The following ARB2A variants were observed in gnomAD, a reference collection of about 807,000 sequenced individuals.
The protein encoded by ARB2A is ARB2 cotranscriptional regulator A.
At chr5:94,004,767 A>G in the ARB2A span, among the ~76,000 whole-genome samples, 4 of 151,850 alleles carry the variant, frequency 2.6e-5, no homozygotes, top group Non-Finnish European at 4.4e-5. Context: ...CTCTAGTAAC[A>G]TTTTCATCAG....
chr5:93,996,558 T>C, the ARB2A span, among the ~76,000 whole-genome samples: 1 of 151,990 alleles, frequency 6.6e-6, no homozygotes, highest in Non-Finnish European at 1.5e-5. Flanking sequence ...GCCCCTATAA[T>C]ATGTCAAACA....
the ARB2A span, among the ~76,000 whole-genome samples, chr5:93,833,871 G>C: frequency 4.6e-5 from 7 of 152,158 alleles, no homozygotes; most frequent in Admixed American, 2.0e-4. Context: ...GAGTACATGT[G>C]CAAGTTTGAT....
chr5:93,770,750 C>G, the ARB2A span, among the ~76,000 whole-genome samples: 2 of 151,956 alleles, frequency 1.3e-5, no homozygotes, highest in South Asian at 2.1e-4. Context: ...TTACAAGGGA[C>G]GTGAAGGACC....
At chr5:93,905,018 A>G in the ARB2A span, among the ~76,000 whole-genome samples, 1 of 151,756 alleles carries the variant, frequency 6.6e-6, no homozygotes, top group Non-Finnish European at 1.5e-5. Flanking sequence ...CTTGCTCTAC[A>G]TTTAATTTCA....
the ARB2A span, chr5:93,620,681 C>A: frequency 2.3e-5 from 6 of 256,342 alleles, no homozygotes; most frequent in East Asian, 1.4e-4. Context: ...CGCGCGGTCT[C>A]CTTCAGGGCA....
At chr5:93,773,986 G>C in the ARB2A span, among the ~76,000 whole-genome samples, 5 of 152,152 alleles carry the variant, frequency 3.3e-5, no homozygotes, top group Admixed American at 3.3e-4. Flanking sequence ...TTGTAGCCTG[G>C]GCTGGTATCA....
At chr5:93,741,423 C>T in the ARB2A span, 27 of 1,613,358 alleles carry the variant, frequency 1.7e-5, no homozygotes. Context: ...TGACTGCCGG[C>T]CAGACCATCA....
chr5:93,989,932 T>G, the ARB2A span, among the ~76,000 whole-genome samples: 1 of 152,132 alleles, frequency 6.6e-6, no homozygotes, highest in Non-Finnish European at 1.5e-5. Context: ...AAGCAAACAT[T>G]TATAACAAAC....
chr5:94,021,627 C>T, the ARB2A span, among the ~76,000 whole-genome samples: 2 of 152,094 alleles, frequency 1.3e-5, no homozygotes, highest in Admixed American at 1.3e-4. Context: ...TACGGTCAAA[C>T]AGATGGACAA....
chr5:93,711,382 A>C, the ARB2A span, among the ~76,000 whole-genome samples: 1 of 152,116 alleles, frequency 6.6e-6, no homozygotes, highest in Admixed American at 6.6e-5. Context: ...ATAAGAGTTA[A>C]AAATTATTGT....
At chr5:93,752,031 T>C in the ARB2A span, among the ~76,000 whole-genome samples, 1 of 152,114 alleles carries the variant, frequency 6.6e-6, no homozygotes, top group Non-Finnish European at 1.5e-5. Flanking sequence ...GGACAGAGTC[T>C]TCAGGTCGGG....
chr5:93,950,640 C>A, the ARB2A span, among the ~76,000 whole-genome samples: 2 of 151,236 alleles, frequency 1.3e-5, no homozygotes, highest in African/African-American at 4.9e-5. Flanking sequence ...AAGACTCGGT[C>A]TCAAAAATAA....
At chr5:93,887,337 T>G in the ARB2A span, among the ~76,000 whole-genome samples, 1 of 149,824 alleles carries the variant, frequency 6.7e-6, no homozygotes, top group African/African-American at 2.4e-5. Context: ...AAATAGAGAA[T>G]AGAAGAGAAA....
chr5:94,066,833 C>A, the ARB2A span, among the ~76,000 whole-genome samples: 1 of 152,146 alleles, frequency 6.6e-6, no homozygotes, highest in South Asian at 2.1e-4. Context: ...CTCCTTAACT[C>A]ATTTTATAAG....
the ARB2A span, among the ~76,000 whole-genome samples, chr5:93,900,324 A>G: frequency 2.0e-5 from 3 of 152,166 alleles, no homozygotes; most frequent in Admixed American, 1.3e-4. Flanking sequence ...TAAGAATGTG[A>G]TACATGGGCT....
At chr5:93,926,857 A>G in the ARB2A span, among the ~76,000 whole-genome samples, 1 of 152,092 alleles carries the variant, frequency 6.6e-6, no homozygotes, top group African/African-American at 2.4e-5. Flanking sequence ...TATACTGCAG[A>G]ATAAATGTAG....
At chr5:93,845,391 T>C in the ARB2A span, among the ~76,000 whole-genome samples, 257 of 152,306 alleles carry the variant, frequency 1.7e-3, no homozygotes, top group African/African-American at 5.0e-3. Flanking sequence ...GCAAGAACCC[T>C]GGGAGAAGGT....
chr5:93,643,675 G>A, the ARB2A span, among the ~76,000 whole-genome samples: 3 of 151,952 alleles, frequency 2.0e-5, no homozygotes, highest in African/African-American at 7.3e-5. Context: ...TGTATTTTTA[G>A]TAGAGACAGG....
chr5:93,768,319 A>G, the ARB2A span, among the ~76,000 whole-genome samples: 1 of 151,724 alleles, frequency 6.6e-6, no homozygotes, highest in Non-Finnish European at 1.5e-5. Flanking sequence ...ATGTAACCAA[A>G]TACTACCTGT....
Sources: allele counts gnomAD v4.1 joint callset (sites outside exome capture counted in the v4.1 genomes callset), GRCh38; gene constraint gnomAD v4.1.1; transcripts MANE v1.5; gene names NCBI Gene and HGNC (gene_info 2026-07-23, HGNC 2026-07-21).